The following C9orf43 variants were observed in gnomAD, a reference collection of about 807,000 sequenced individuals.
The protein encoded by C9orf43 is uncharacterized protein C9orf43.
In C9orf43, 45 loss-of-function variants were observed where a neutral mutation model predicts 59.1. The observed-to-expected ratio is 0.76, with a 90% CI of 0.60 to 0.98. The LOEUF is 0.98. Among genes scored for constraint, C9orf43 ranks in the 50% least tolerant of loss-of-function variants. The probability of loss-of-function intolerance (pLI) is 0.00; values close to 1 mark genes in which losing one functional copy is unlikely to be tolerated. For synonymous variants in C9orf43, 203 were observed against 196.8 expected, an observed-to-expected ratio of 1.03 and a Z score of -0.26; for missense variants, 533 against 554.9, an observed-to-expected ratio of 0.96 and a Z score of 0.40.
intron 3 of C9orf43, 70 bp downstream of exon 3, chr9:113,413,964 A>G (rs1828267549): frequency 1.3e-6 from 2 of 1,484,754 alleles, no homozygotes; most frequent in African/African-American, 1.4e-5. Context: ...TTCCTTATCC[A>G]TTAGTATACT....
intron 3 of C9orf43, 84 bp downstream of exon 3, chr9:113,413,978 A>T: frequency 1.4e-6 from 2 of 1,420,906 alleles, no homozygotes; most frequent in Non-Finnish European, 1.9e-6. Context: ...GTATACTTTG[A>T]GAAAGCTAGA....
chr9:113,421,242 A>G (rs1046478029), intron 5 of C9orf43, 39 bp downstream of exon 5: 1 of 1,437,732 alleles, frequency 7.0e-7, no homozygotes, highest in Non-Finnish European at 9.8e-7. Flanking sequence ...CTTTGACTCT[A>G]TAAATCCCTG....
intron 4 of C9orf43, 111 bp downstream of exon 4, chr9:113,419,276 G>C: frequency 2.6e-6 from 2 of 783,734 alleles, no homozygotes; most frequent in Non-Finnish European, 4.1e-6. Context: ...AATCTGAATA[G>C]TAATGTTGAT....
rs752751913 is a variant in C9orf43 at position 113,428,188 on chromosome 9, C to A, written c.1072C>A (p.Gln358Lys). 1 of 1,614,084 alleles carries A rather than the reference C, an allele frequency of 6.2e-7. No homozygotes were observed. Among genetic ancestry groups the A allele is most frequent in the African/African-American group, 1.3e-5 (1 of 74,932 alleles). Reference protein sequence around the residue: ...LPGQNSDMKQQQQMEKGTTSK... With the variant: ...LPGQNSDMKQKQQMEKGTTSK... Reference sequence around the variant, plus strand: ...AGGTCAGAACAGTGACATGAAGCAGCAGCAGCAGATGGAAAAAGGAACCAC... The same window carrying A: ...AGGTCAGAACAGTGACATGAAGCAGAAGCAGCAGATGGAAAAAGGAACCAC... The change falls in exon 12 of 14, where the codon CAG becomes AAG. Residue 358 changes from glutamine to lysine, a missense_variant. Physicochemically the swap from Gln to Lys is moderately conservative, Grantham distance 53. Coordinates refer to ENST00000374165, the MANE Select transcript of C9orf43 (RefSeq NM_001278629.2).
intron 8 of C9orf43, among the ~76,000 whole-genome samples, chr9:113,424,801 C>T (rs557056699): frequency 2.2e-4 from 34 of 152,152 alleles, no homozygotes; most frequent in Admixed American, 1.8e-3. Context: ...GCTGGGATTA[C>T]AGGCATGAGC....
rs1275602633 is a variant in C9orf43, at chr9:113,425,244, C to T, written c.866-100C>T. The T allele has an allele frequency of 1.9e-6, 3 of 1,568,830 alleles. No individual in the cohort carries two copies. In the African/African-American group the frequency reaches 4.1e-5, roughly 21 times the overall value. On this transcript the variant is annotated intron_variant, in intron 9 of 13. Coordinates refer to ENST00000374165, the MANE Select transcript of C9orf43 (RefSeq NM_001278629.2). ...AGGAAGCAGCCCCTCTGGCTTGGTC[C>T]TTACCAGGGAGTCACCATTGTGAAG...
chr9:113,415,984 T>C (rs1022091523), intron 3 of C9orf43, among the ~76,000 whole-genome samples: 3 of 152,198 alleles, frequency 2.0e-5, no homozygotes, highest in Non-Finnish European at 2.9e-5. Context: ...ATATGCTTCA[T>C]ATTCATACCC....
chr9:113,429,595 G>A lies in C9orf43; in HGVS notation c.*209G>A, dbSNP rs867945266. On this transcript the variant is annotated 3_prime_UTR_variant, in exon 14 of 14. Transcript: ENST00000374165. Reference sequence around the variant, plus strand: ...CTACTTGCCTCTAAAATAAATGTAGGAGAAAAATCCCCAGCCTTTTTAAAT... The same window carrying A: ...CTACTTGCCTCTAAAATAAATGTAGAAGAAAAATCCCCAGCCTTTTTAAAT... 2.2e-5 allele frequency: 11 copies of A among 506,492 alleles called. No individual in the cohort carries two copies. Among genetic ancestry groups the A allele is most frequent in the Middle Eastern group, 5.1e-4 (1 of 1,954 alleles). 31.4% of individuals were successfully genotyped at this position (506,492 alleles called of 1,614,324 possible). A position where few individuals can be genotyped will look rare whatever the true frequency, so the allele number is the denominator to read the frequency against.
Position 113,421,163 on chromosome 9 carries a change from G to A in C9orf43, c.406G>A (p.Val136Ile). The A allele has an allele frequency of 6.2e-7, 1 of 1,613,620 alleles. No individual in the cohort carries two copies. The change falls in exon 5 of 14, where the codon GTT becomes ATT. Residue 136 changes from valine (V) to isoleucine (I), a missense_variant. Val to Ile is a conservative substitution (Grantham distance 29). Coordinates refer to ENST00000374165, the MANE Select transcript of C9orf43 (RefSeq NM_001278629.2). Reference sequence around the variant, plus strand: ...CTGCCCTGAAGATGTTAGAAATATGGTTGTATTGTGGATCCCAGAAGAAAC... The same window carrying A: ...CTGCCCTGAAGATGTTAGAAATATGATTGTATTGTGGATCCCAGAAGAAAC... ...LPCPEDVRNM[V>I]VLWIPEETEI...
Position 113,426,739 on chromosome 9 carries a change from C to T in C9orf43, c.1030+1009C>T, listed in dbSNP as rs572859398. ...CATCTAGGGTGACCACTACCACTCC[C>T]CTGAATTCCGTTCTGGTGCCTTTTG... On this transcript the variant is annotated intron_variant, in intron 11 of 13. Transcript: ENST00000374165. Among the ~76,000 whole-genome samples the T allele has an allele frequency of 2.5e-4, 38 of 152,268 alleles. 1 individual carries two copies. In the South Asian group the frequency reaches 7.5e-3, roughly 30 times the overall value.
chr9:113,423,742 CT>C (rs1315073455), intron 7 of C9orf43, among the ~76,000 whole-genome samples: 4 of 152,178 alleles, frequency 2.6e-5, no homozygotes, highest in Admixed American at 2.0e-4. Context: ...TAAATTTGCA[CT>C]AGGAGGTAGG....
chr9:113,412,419 AGTTT>A (rs1316816743), intron 1 of C9orf43, among the ~76,000 whole-genome samples: 3 of 152,204 alleles, frequency 2.0e-5, no homozygotes, highest in African/African-American at 7.2e-5. Flanking sequence ...TAGAACAGGG[AGTTT>A]GTTTATTACT....
chr9:113,413,624 A>T lies in C9orf43; in HGVS notation c.131A>T (p.Lys44Ile). The T allele has an allele frequency of 6.2e-7, 1 of 1,614,184 alleles. No homozygotes were observed. Among genetic ancestry groups the T allele is most frequent in the African/African-American group, 1.3e-5 (1 of 75,062 alleles). Reference protein sequence around the residue: ...GHPRILGSSCKTPLDAEDKLP... With the variant: ...GHPRILGSSCITPLDAEDKLP... ...CCTCGAATCCTCGGCTCATCCTGCA[A>T]AACTCCCCTGGATGCTGAAGGTGAA... is the stretch of plus-strand genomic sequence containing the variant. The change falls in exon 2 of 14, where the codon AAA becomes ATA. Residue 44 changes from lysine (K) to isoleucine (I), a missense_variant. Transcript: ENST00000374165.
At chr9:113,425,512 T>G in intron 10 of C9orf43, 92 bp downstream of exon 10, 1 of 1,498,536 alleles carries the variant, frequency 6.7e-7, no homozygotes, top group Non-Finnish European at 9.1e-7. Flanking sequence ...CTCCTTGTTT[T>G]CTATCTGGTT....
At chr9:113,419,644 C>T (rs1013174082) in intron 4 of C9orf43, among the ~76,000 whole-genome samples, 6 of 152,178 alleles carry the variant, frequency 3.9e-5, no homozygotes, top group Non-Finnish European at 7.4e-5. Context: ...CTGCCCTATT[C>T]TGTTTTATTC....
Position 113,420,840 on chromosome 9 carries a change from G to T in C9orf43, c.346-263G>T. The T allele has an allele frequency of 4.2e-6, 4 of 957,562 alleles. No individual in the cohort carries two copies. The African/African-American group carries it at 5.3e-5, about 13-fold the overall frequency. The allele number at this position is 957,562 out of a possible 1,614,324, so 59.3% of individuals were successfully genotyped here. ...CCCAGGGCACCCTCATATGGGATTGGATTGGGAGTTGCTAAATGCTACCCT... is the reference window on the plus strand; with the variant it reads ...CCCAGGGCACCCTCATATGGGATTGTATTGGGAGTTGCTAAATGCTACCCT... On this transcript the variant is annotated intron_variant, in intron 4 of 13. Coordinates refer to ENST00000374165, the MANE Select transcript of C9orf43 (RefSeq NM_001278629.2).
chr9:113,411,124 A>G (rs1564394595), intron 1 of C9orf43, 123 bp downstream of exon 1: 3 of 985,294 alleles, frequency 3.0e-6, no homozygotes, highest in African/African-American at 1.7e-5. Flanking sequence ...TCAGGAGTCA[A>G]TTCGGACTGG....
intron 11 of C9orf43, 24 bp from the exon 12 acceptor site, chr9:113,428,123 T>C (rs1377373634): frequency 1.9e-6 from 3 of 1,613,284 alleles, no homozygotes; most frequent in Non-Finnish European, 2.5e-6. Context: ...AAGAGGAAGA[T>C]TGAATGGACT....
intron 8 of C9orf43, 110 bp from the exon 9 acceptor site, chr9:113,424,909 G>A: frequency 1.1e-6 from 1 of 897,884 alleles, no homozygotes; most frequent in Non-Finnish European, 1.7e-6. Context: ...AAAACACTGG[G>A]TTCTTAAAAT....
Sources: gnomAD v4.1 joint callset for allele counts (sites outside exome capture counted in the v4.1 genomes callset) on GRCh38, gnomAD v4.1.1 for gene constraint, MANE v1.5 for transcripts, NCBI Gene and HGNC (gene_info 2026-07-23, HGNC 2026-07-21) for gene names.